Variants in EVA1A observed in about 807,000 individuals in gnomAD.
EVA1A encodes the protein eva-1 homolog A, regulator of programmed cell death.
EVA1A carries 7 observed loss-of-function variants against 9.8 expected under a neutral mutation model. That is an observed-to-expected ratio of 0.71 (90% CI 0.41 to 1.34). The LOEUF (loss-of-function observed/expected upper bound fraction) is 1.34, where lower values mean the gene tolerates loss of function less well. EVA1A is among the 40% of genes most tolerant of loss of function. The pLI, the probability that EVA1A is intolerant of heterozygous loss-of-function variation, is 0.01. For missense variants in EVA1A, 206 were observed against 205.9 expected, an observed-to-expected ratio of 1.00 and a Z score of 0.00; for synonymous variants, 90 against 85.6, an observed-to-expected ratio of 1.05 and a Z score of -0.28.
chr2:75,548,445 T>A lies in EVA1A; in HGVS notation c.-192+12235A>T, dbSNP rs113192906. On this transcript the variant is annotated intron_variant, in intron 1 of 3. Transcript: ENST00000393913. ...CCACCCTGCCTGGCCTCCTTGCTCA[T>A]TTCTTGCCACTCCCCTATGTCCCAC... is the stretch of plus-strand genomic sequence containing the variant. Among the ~76,000 whole-genome samples the A allele has an allele frequency of 3.0e-3, 459 of 152,276 alleles. 2 individuals carry two copies. Among genetic ancestry groups the A allele is most frequent in the African/African-American group, 0.01 (421 of 41,558 alleles).
At chr2:75,521,136 C>T (rs559120550) in intron 2 of EVA1A, among the ~76,000 whole-genome samples, 2 of 152,092 alleles carry the variant, frequency 1.3e-5, no homozygotes, top group African/African-American at 4.8e-5. Flanking sequence ...TTAATGAAAT[C>T]AAAATCAAAA....
At chr2:75,555,273 G>C (rs1676662981) in intron 1 of EVA1A, among the ~76,000 whole-genome samples, 1 of 123,814 alleles carries the variant, frequency 8.1e-6, no homozygotes, top group South Asian at 2.7e-4. Flanking sequence ...TGGATTTTAT[G>C]TGAAACAGAC....
intron 1 of EVA1A, among the ~76,000 whole-genome samples, chr2:75,530,129 G>A (rs1169638514): frequency 1.3e-5 from 2 of 152,022 alleles, no homozygotes; most frequent in African/African-American, 4.8e-5. Flanking sequence ...ACCTTTATGC[G>A]CACAGACTAG....
chr2:75,566,116 C>T (rs1677021932), intron 1 of EVA1A, among the ~76,000 whole-genome samples: 1 of 152,136 alleles, frequency 6.6e-6, no homozygotes, highest in South Asian at 2.1e-4. Flanking sequence ...TTCATTCATT[C>T]CACGACAGCC....
chr2:75,537,280 T>C (rs1675945146), intron 1 of EVA1A, among the ~76,000 whole-genome samples: 1 of 152,188 alleles, frequency 6.6e-6, no homozygotes, highest in Non-Finnish European at 1.5e-5. Flanking sequence ...TTTTTAAAAA[T>C]TCTCAGAAAA....
intron 1 of EVA1A, among the ~76,000 whole-genome samples, chr2:75,557,530 C>G (rs1676758541): frequency 6.6e-6 from 1 of 152,194 alleles, no homozygotes; most frequent in African/African-American, 2.4e-5. Flanking sequence ...TCATCCATCC[C>G]TCATGCATCA....
Position 75,520,166 on chromosome 2 carries a change from T to C in EVA1A, c.-68-1958A>G, listed in dbSNP as rs565369505. Among the ~76,000 whole-genome samples the C allele has an allele frequency of 2.6e-5, 4 of 152,294 alleles. No individual in the cohort carries two copies. In the East Asian group the frequency reaches 7.7e-4, roughly 29 times the overall value. On this transcript the variant is annotated intron_variant, in intron 2 of 3. Transcript: ENST00000393913. ...TTCAACAATACTAGATTACTTTTAG[T>C]TCCCCCAAGTAGAGCAAGCTCTTTC...
At chr2:75,517,567 T>C (rs954704254) in intron 3 of EVA1A, among the ~76,000 whole-genome samples, 7 of 152,182 alleles carry the variant, frequency 4.6e-5, no homozygotes, top group Non-Finnish European at 1.0e-4. Flanking sequence ...GACTCTTCCA[T>C]ACTCCGCATG....
At chr2:75,565,102 A>G (rs75503189), upstream of EVA1A, among the ~76,000 whole-genome samples, 8 of 152,284 alleles carry the variant, frequency 5.3e-5, no homozygotes, top group East Asian at 5.8e-4. Context: ...GTGTCTATCA[A>G]TGCAGTTCAG....
At chr2:75,507,967 A>G (rs1259390423) in intron 3 of EVA1A, among the ~76,000 whole-genome samples, 1 of 152,202 alleles carries the variant, frequency 6.6e-6, no homozygotes, top group East Asian at 1.9e-4. Flanking sequence ...TCCCCAAATT[A>G]ATAATTTTAT....
At chr2:75,538,642 T>C (rs1162728585) in intron 1 of EVA1A, among the ~76,000 whole-genome samples, 1 of 152,202 alleles carries the variant, frequency 6.6e-6, no homozygotes, top group East Asian at 1.9e-4. Flanking sequence ...ATCTATACCA[T>C]GTAATACTAC....
chr2:75,496,907 T>G (rs537746717), intron 3 of EVA1A, among the ~76,000 whole-genome samples: 1 of 152,324 alleles, frequency 6.6e-6, no homozygotes, highest in African/African-American at 2.4e-5. Context: ...ATCTGATCTT[T>G]GACAAAGTCA....
At chr2:75,494,122 C>T (rs1674123073) in intron 3 of EVA1A, among the ~76,000 whole-genome samples, 1 of 152,148 alleles carries the variant, frequency 6.6e-6, no homozygotes, top group African/African-American at 2.4e-5. Flanking sequence ...CTAGTGACTT[C>T]TAAGAAATAC....
chr2:75,505,046 C>T (rs1044048148), intron 3 of EVA1A, among the ~76,000 whole-genome samples: 16 of 152,308 alleles, frequency 1.1e-4, no homozygotes, highest in African/African-American at 3.6e-4. Flanking sequence ...CCCTGCCCCT[C>T]CTCCCAATCC....
At chr2:75,568,216 C>T (rs1677061378) in intron 1 of EVA1A, among the ~76,000 whole-genome samples, 1 of 151,936 alleles carries the variant, frequency 6.6e-6, no homozygotes, top group South Asian at 2.1e-4. Flanking sequence ...TTCCCACTGT[C>T]TCCTTCCTCT....
upstream of EVA1A, among the ~76,000 whole-genome samples, chr2:75,562,218 A>G (rs992527276): frequency 1.3e-5 from 2 of 152,210 alleles, no homozygotes; most frequent in African/African-American, 2.4e-5. Flanking sequence ...ATATTAGACT[A>G]TGGAGCCCTG....
At chr2:75,537,124 G>T (rs1002111817) in intron 1 of EVA1A, among the ~76,000 whole-genome samples, 15 of 152,060 alleles carry the variant, frequency 9.9e-5, no homozygotes, top group Non-Finnish European at 2.1e-4. Context: ...GACTTTTTAT[G>T]ACATGACTAC....
intron 1 of EVA1A, among the ~76,000 whole-genome samples, chr2:75,550,811 AT>A (rs1274017495): frequency 2.0e-5 from 3 of 152,222 alleles, no homozygotes; most frequent in Non-Finnish European, 4.4e-5. Flanking sequence ...TGCATAGTCC[AT>A]TTGTGACCAC....
At chr2:75,533,858 C>G (rs1037211551) in intron 1 of EVA1A, among the ~76,000 whole-genome samples, 2 of 151,808 alleles carry the variant, frequency 1.3e-5, no homozygotes, top group African/African-American at 4.8e-5. Flanking sequence ...GTTGCCCAGG[C>G]TGGAGTGCAG....
Sources: allele counts gnomAD v4.1 joint callset (sites outside exome capture counted in the v4.1 genomes callset), GRCh38; gene constraint gnomAD v4.1.1; transcripts MANE v1.5; gene names NCBI Gene and HGNC (gene_info 2026-07-23, HGNC 2026-07-21).